SGMS1: variants seen among roughly 807,000 people sequenced by gnomAD.
The protein encoded by SGMS1 is sphingomyelin synthase 1, also known as phosphatidylcholine:ceramide cholinephosphotransferase 1.
SGMS1 carries 13 observed loss-of-function variants against 46.2 expected under a neutral mutation model. The ratio of observed to expected loss-of-function variants is 0.28; its 90% CI spans 0.18 to 0.45. The LOEUF is 0.45. Among genes scored for constraint, SGMS1 ranks in the 20% least tolerant of loss-of-function variants. SGMS1 has a pLI of 1.00. For synonymous variants in SGMS1, 203 were observed against 187.8 expected (o/e 1.08, Z -0.66); for missense variants, 324 against 519.9 (o/e 0.62, Z 3.66).
intron 2 of SGMS1, among the ~76,000 whole-genome samples, chr10:50,550,508 C>T (rs540895964): frequency 6.6e-6 from 1 of 152,152 alleles, no homozygotes; most frequent in Non-Finnish European, 1.5e-5. Flanking sequence ...AGGCCAACAC[C>T]TCTGGCTCCA....
Position 50,469,690 on chromosome 10 carries a change from G to A in SGMS1, c.-497-2758C>T, listed in dbSNP as rs147431632. 6.6e-4 allele frequency among the ~76,000 whole-genome samples: 101 copies of A among 152,160 alleles called. 3 individuals carry two copies. In the East Asian group the frequency reaches 0.019, roughly 28 times the overall value. On this transcript the variant is annotated intron_variant, in intron 3 of 10. Transcript: ENST00000361781. ...AGAATACTGGTGGTGGGGGGAGTGT[G>A]GTACAGAATAAGGTACTCTTCCCCT... is the stretch of plus-strand genomic sequence containing the variant.
chr10:50,319,760 T>A (rs2133295551), intron 8 of SGMS1, among the ~76,000 whole-genome samples: 1 of 152,338 alleles, frequency 6.6e-6, no homozygotes, highest in East Asian at 1.9e-4. Flanking sequence ...GCACCTGATG[T>A]CATTTGTCCT....
At chr10:50,460,993 TC>T (rs138004273) in intron 4 of SGMS1, among the ~76,000 whole-genome samples, 179 bp from the exon 5 acceptor site, 5,412 of 152,224 alleles carry the variant, frequency 0.036, 333 homozygotes, top group African/African-American at 0.12. Flanking sequence ...ATTTTTTCTT[TC>T]TTTTCTAGCT....
chr10:50,383,497 G>C (rs1413332692), intron 6 of SGMS1, among the ~76,000 whole-genome samples: 5 of 151,950 alleles, frequency 3.3e-5, no homozygotes, highest in Non-Finnish European at 2.9e-5. Context: ...TATAAGCATC[G>C]CTTGTACAGG....
intron 3 of SGMS1, among the ~76,000 whole-genome samples, chr10:50,499,548 T>C (rs4935711): frequency 0.35 from 53,431 of 152,016 alleles, 9,591 homozygotes; most frequent in Admixed American, 0.41. Flanking sequence ...AACCTCAAGA[T>C]TGTCACTGTA....
intron 6 of SGMS1, among the ~76,000 whole-genome samples, chr10:50,401,151 C>T (rs559121232): frequency 6.6e-6 from 1 of 152,318 alleles, no homozygotes; most frequent in East Asian, 1.9e-4. Flanking sequence ...TCTAATAATA[C>T]ACAGCAAATT....
At chr10:50,399,540 A>G (rs185121864) in intron 6 of SGMS1, among the ~76,000 whole-genome samples, 1 of 152,344 alleles carries the variant, frequency 6.6e-6, no homozygotes, top group Admixed American at 6.5e-5. Context: ...AAATATTTCC[A>G]GGACATACTG....
intron 6 of SGMS1, among the ~76,000 whole-genome samples, chr10:50,407,653 C>A (rs776464564): frequency 2.6e-5 from 4 of 152,056 alleles, no homozygotes; most frequent in Non-Finnish European, 4.4e-5. Context: ...TTTTTTTCCC[C>A]CTGCTAAGCT....
At chr10:50,405,338 A>C (rs1848997675) in intron 6 of SGMS1, among the ~76,000 whole-genome samples, 2 of 152,220 alleles carry the variant, frequency 1.3e-5, no homozygotes, top group African/African-American at 4.8e-5. Context: ...TCTGAGGAAG[A>C]AAAAATACAG....
chr10:50,409,361 T>C (rs904380678), intron 6 of SGMS1, among the ~76,000 whole-genome samples: 2 of 152,208 alleles, frequency 1.3e-5, no homozygotes, highest in African/African-American at 2.4e-5. Flanking sequence ...GATGTTTCTG[T>C]TTTTCCTATT....
intron 3 of SGMS1, among the ~76,000 whole-genome samples, chr10:50,470,388 A>T (rs1837368428): frequency 6.6e-6 from 1 of 151,894 alleles, no homozygotes; most frequent in Admixed American, 6.6e-5. Context: ...TCTTCCTTTA[A>T]TATCTAACTT....
chr10:50,316,048 T>C (rs1339697706), intron 8 of SGMS1, among the ~76,000 whole-genome samples: 1 of 152,192 alleles, frequency 6.6e-6, no homozygotes, highest in Non-Finnish European at 1.5e-5. Context: ...ATTTTTTCAG[T>C]GCTAACATAA....
chr10:50,569,815 G>A (rs1303642885), intron 2 of SGMS1, among the ~76,000 whole-genome samples: 2 of 152,136 alleles, frequency 1.3e-5, no homozygotes, highest in Non-Finnish European at 2.9e-5. Context: ...ATGCAAGCTG[G>A]ATGGTAGCTT....
chr10:50,604,746 A>G (rs1838679909), intron 1 of SGMS1, among the ~76,000 whole-genome samples: 1 of 152,150 alleles, frequency 6.6e-6, no homozygotes, highest in South Asian at 2.1e-4. Context: ...CGATTGATCA[A>G]CTCCACAAAA....
At chr10:50,550,813 TA>T (rs1205503134) in intron 2 of SGMS1, among the ~76,000 whole-genome samples, 8 of 152,162 alleles carry the variant, frequency 5.3e-5, no homozygotes, top group Admixed American at 1.3e-4. Context: ...AAGGACGTAC[TA>T]AAACATACAC....
chr10:50,431,207 C>G (rs1220551973), intron 6 of SGMS1, among the ~76,000 whole-genome samples: 1 of 152,008 alleles, frequency 6.6e-6, no homozygotes, highest in Non-Finnish European at 1.5e-5. Context: ...AGATTTTAAC[C>G]ACGAGCTTCC....
intron 3 of SGMS1, among the ~76,000 whole-genome samples, chr10:50,517,832 G>A (rs1457489090): frequency 6.6e-6 from 1 of 152,008 alleles, no homozygotes; most frequent in African/African-American, 2.4e-5. Context: ...CAGATGTCCT[G>A]ACGGCAAAAA....
chr10:50,347,029 C>T (rs565297407), intron 6 of SGMS1, among the ~76,000 whole-genome samples: 19 of 152,266 alleles, frequency 1.2e-4, no homozygotes, highest in African/African-American at 4.6e-4. Context: ...AATCAAGTGG[C>T]AATAATAGCT....
At chr10:50,509,164 G>A (rs568895888) in intron 3 of SGMS1, among the ~76,000 whole-genome samples, 9 of 152,264 alleles carry the variant, frequency 5.9e-5, no homozygotes, top group African/African-American at 2.2e-4. Context: ...TGTCCCAAAA[G>A]GATAGAAGTT....
Sources: allele counts gnomAD v4.1 joint callset (sites outside exome capture counted in the v4.1 genomes callset), GRCh38; gene constraint gnomAD v4.1.1; transcripts MANE v1.5; gene names NCBI Gene and HGNC (gene_info 2026-07-23, HGNC 2026-07-21).